LIG3: variants seen among roughly 807,000 people sequenced by gnomAD.
LIG3 encodes the protein ligase II, DNA, ATP-dependent.
In LIG3, 58 loss-of-function variants were observed where a neutral mutation model predicts 110.9. The ratio of observed to expected loss-of-function variants is 0.52; its 90% CI spans 0.42 to 0.65. The LOEUF (loss-of-function observed/expected upper bound fraction) is 0.65, where lower values mean the gene tolerates loss of function less well. Ranked by LOEUF, LIG3 falls within the 30% of genes least tolerant of loss-of-function variation. LIG3 has a pLI of 0.00. For missense variants in LIG3, 1,094 were observed against 1,273.8 expected (o/e 0.86, Z 2.15); for synonymous variants, 422 against 472.8 (o/e 0.89, Z 1.39).
In LIG3 at chr17:34,999,903, G is replaced by C. The variant is rs199959966; in HGVS notation, c.2331+47G>C. The C allele has an allele frequency of 4.8e-6, 7 of 1,472,656 alleles. No homozygotes were observed. In the Admixed American group the frequency reaches 1.2e-4, roughly 25 times the overall value. 91.2% of individuals were successfully genotyped at this position (1,472,656 alleles called of 1,614,324 possible). A position where few individuals can be genotyped will look rare whatever the true frequency, so the allele number is the denominator to read the frequency against. On this transcript the variant is annotated intron_variant, in intron 16 of 19. Coordinates refer to ENST00000378526, the MANE Select transcript of LIG3 (RefSeq NM_013975.4). ...GGCCTCCAGCTCATAGAATTAGCTT[G>C]CAGGTTCTCTAGTGCCATAGAGAAT...
At chr17:35,001,168 A>C in intron 16 of LIG3, 89 bp from the exon 17 acceptor site, 1 of 1,395,188 alleles carries the variant, frequency 7.2e-7, no homozygotes, top group Non-Finnish European at 1.0e-6. Context: ...AGCCTTCCTA[A>C]GTGCTGGGAT....
intron 7 of LIG3, 28 bp downstream of exon 7, chr17:34,992,063 A>G: frequency 6.3e-7 from 1 of 1,590,892 alleles, no homozygotes. Context: ...TGACAGCCTG[A>G]GCTGTCATTT....
intron 9 of LIG3, among the ~76,000 whole-genome samples, chr17:34,994,979 G>A (rs1354268708): frequency 6.6e-6 from 1 of 152,106 alleles, no homozygotes; most frequent in Admixed American, 6.5e-5. Context: ...TTCTAATCAG[G>A]GGTGGCATTT....
rs3135976 is a variant in LIG3, at chr17:34,988,724, A to T, written c.692-742A>T. On this transcript the variant is annotated intron_variant, in intron 3 of 19. Coordinates refer to ENST00000378526, the MANE Select transcript of LIG3 (RefSeq NM_013975.4). Reference sequence around the variant, plus strand: ...TAAGAAAAGAAAAGTTGAAGCAGCGAGGGGTAGGGATGTTGAGTGTACTAA... The same window carrying T: ...TAAGAAAAGAAAAGTTGAAGCAGCGTGGGGTAGGGATGTTGAGTGTACTAA... 5.2e-3 allele frequency among the ~76,000 whole-genome samples: 791 copies of T among 152,264 alleles called. 4 individuals are homozygous for T. Among genetic ancestry groups the T allele is most frequent in the Admixed American group, 0.011 (167 of 15,296 alleles).
At position 35,002,050 on chromosome 17, in the gene LIG3, T is replaced by A; in HGVS notation, c.2620T>A (p.Ser874Thr). Residue 874 changes from serine to threonine, a missense_variant, in exon 18 of 20, where the codon TCA becomes ACA. Transcript: ENST00000378526. Reference sequence around the variant, plus strand: ...GTCCCGCAAGGCCCCCAGCAAGCCCTCAGCCAGTACCAAGAAAGCAGAAGG... The same window carrying A: ...GTCCCGCAAGGCCCCCAGCAAGCCCACAGCCAGTACCAAGAAAGCAGAAGG... ...AVSRKAPSKP[S>T]ASTKKAEGKL... 6.2e-7 allele frequency: 1 copy of A among 1,604,276 alleles called. No individual in the cohort carries two copies. Among genetic ancestry groups the A allele is most frequent in the Non-Finnish European group, 8.5e-7 (1 of 1,176,536 alleles).
chr17:34,984,070 T>C (rs2090631956), intron 2 of LIG3, among the ~76,000 whole-genome samples: 1 of 152,218 alleles, frequency 6.6e-6, no homozygotes, highest in Non-Finnish European at 1.5e-5. Flanking sequence ...ATATGACCCT[T>C]ATGCGACTAT....
At chr17:34,997,714 C>G (rs2090793564) in intron 11 of LIG3, 24 bp from the exon 12 acceptor site, 2 of 1,583,788 alleles carry the variant, frequency 1.3e-6, no homozygotes, top group South Asian at 2.2e-5. Flanking sequence ...CCCGGCCTAA[C>G]CTCAGCTCTC....
In LIG3 at chr17:34,998,310, G is replaced by C; in HGVS notation, c.1989+14G>C. On this transcript the variant is annotated intron_variant, in intron 13 of 19. Transcript: ENST00000378526. The stretch of plus-strand genomic sequence containing the variant: ...AAGGATGTGAAGGTAAAGTGGCCTC[G>C]CTTGGCTTCTCCTGTCGACTCACTC... The C allele has an allele frequency of 6.2e-7, 1 of 1,607,070 alleles. No individual in the cohort carries two copies. The highest frequency in any genetic ancestry group is 1.7e-5 in the Admixed American group (1 of 59,226).
chr17:35,006,003 T>G lies in LIG3; in HGVS notation c.*1497T>G. 4.0e-6 allele frequency: 1 copy of G among 247,022 alleles called. No homozygotes were observed. Among genetic ancestry groups the G allele is most frequent in the Non-Finnish European group, 8.0e-6 (1 of 125,544 alleles). The allele number at this position is 247,022 out of a possible 1,614,324, so 15.3% of individuals were successfully genotyped here. A position where few individuals can be genotyped will look rare whatever the true frequency, so the allele number is the denominator to read the frequency against. On this transcript the variant is annotated 3_prime_UTR_variant, in exon 20 of 20. Transcript: ENST00000378526. ...AACAATGTTGAGTGGCATTTTCTTC[T>G]TAGTTTTTAATTTCTTAAAGAAAAT...
rs774271867 is a variant in LIG3 at position 35,002,143 on chromosome 17, G to GT, written c.2674+40dup. 3 of 1,495,070 alleles carry GT rather than the reference G, an allele frequency of 2.0e-6. No individual in the cohort carries two copies. The African/African-American group carries it at 4.2e-5, about 21-fold the overall frequency. 92.6% of individuals were successfully genotyped at this position (1,495,070 alleles called of 1,614,324 possible). On this transcript the variant is annotated intron_variant, in intron 18 of 19. Coordinates refer to ENST00000378526, the MANE Select transcript of LIG3 (RefSeq NM_013975.4). Reference sequence around the variant, plus strand: ...GGGGGCTGGTATGGTGAAGAGGGCGGTGTGAGGGGCAGAGATCCAAGGGCA... The same window carrying GT: ...GGGGGCTGGTATGGTGAAGAGGGCGGTTGTGAGGGGCAGAGATCCAAGGGCA...
chr17:34,992,778 A>G, intron 8 of LIG3, 86 bp downstream of exon 8: 1 of 1,300,532 alleles, frequency 7.7e-7, no homozygotes, highest in South Asian at 1.8e-5. Context: ...ATGAGTGTTG[A>G]GAGCACTTGC....
At chr17:34,995,550 TC>T (rs1478404859) in intron 9 of LIG3, among the ~76,000 whole-genome samples, 3 of 152,182 alleles carry the variant, frequency 2.0e-5, no homozygotes, top group Non-Finnish European at 4.4e-5. Flanking sequence ...CCTTTCCTGT[TC>T]CTGCTCTAAG....
In LIG3 at chr17:35,001,392, C is replaced by T. The variant is rs2090840436; in HGVS notation, c.2467C>T (p.Pro823Ser). The change falls in exon 17 of 20, where the codon CCC (proline) becomes TCC (serine). Residue 823 changes from proline (P) to serine (S), a missense_variant. Physicochemically the swap from Pro to Ser is moderately conservative, Grantham distance 74 (BLOSUM62 -1). Transcript: ENST00000378526. Reference sequence around the variant, plus strand: ...GGACTGGAAATCTGCCACTAACCTTCCCCAACTCAAGGTAGCAGCTCTTAG... The same window carrying T: ...GGACTGGAAATCTGCCACTAACCTTTCCCAACTCAAGGTAGCAGCTCTTAG... The part of the protein sequence containing the change: ...DKDWKSATNL[P>S]QLKELYQLSK... 2 of 1,614,166 alleles carry T rather than the reference C, an allele frequency of 1.2e-6. No homozygotes were observed. The highest frequency in any genetic ancestry group is 4.5e-5 in the East Asian group (2 of 44,884).
At chr17:34,984,384 T>A (rs1448849804) in intron 2 of LIG3, among the ~76,000 whole-genome samples, 1 of 152,232 alleles carries the variant, frequency 6.6e-6, no homozygotes, top group Admixed American at 6.5e-5. Flanking sequence ...CTTAACTAAT[T>A]TGATACTTAA....
chr17:35,006,046 G>C lies in LIG3; in HGVS notation c.*1540G>C, dbSNP rs2090893267. On this transcript the variant is annotated 3_prime_UTR_variant, in exon 20 of 20. Transcript: ENST00000378526. ...AAGAAAATATACTCCATATCTGCAG[G>C]GAAAAAAATAAAAATCCACACCTGA... 4.5e-6 allele frequency: 1 copy of C among 224,486 alleles called. No individual in the cohort carries two copies. Among genetic ancestry groups the C allele is most frequent in the Admixed American group, 5.3e-5 (1 of 18,886 alleles). The allele number at this position is 224,486 out of a possible 1,614,324, so 13.9% of individuals were successfully genotyped here. A position where few individuals can be genotyped will look rare whatever the true frequency, so the allele number is the denominator to read the frequency against.
rs781201568 is a variant in LIG3, at chr17:34,986,065, A to T, written c.625A>T (p.Thr209Ser). Residue 209 changes from threonine to serine, a missense_variant, in exon 3 of 20, where the codon ACT (threonine) becomes TCT (serine). By Grantham distance (58) the Thr-to-Ser change is moderately conservative (BLOSUM62 1). Transcript: ENST00000378526. ...QAKLTTTGQV[T>S]SPVKGASFVT... is the part of the protein sequence containing the mutation. ...TAAGTTGACAACCACTGGCCAGGTG[A>T]CTTCTCCAGTGAAAGGCGCCTCATT... The T allele has an allele frequency of 8.7e-6, 14 of 1,614,024 alleles. No homozygotes were observed. Among genetic ancestry groups the T allele is most frequent in the Non-Finnish European group, 1.2e-5 (14 of 1,180,006 alleles).
intron 1 of LIG3, 23 bp downstream of exon 1, chr17:34,980,645 A>G (rs2090572445): frequency 8.1e-7 from 1 of 1,235,614 alleles, no homozygotes; most frequent in African/African-American, 1.6e-5. Context: ...GCGGCGCGGC[A>G]CGGCGCGGCG....
Position 34,991,783 on chromosome 17 carries a change from C to T in LIG3, c.1154C>T (p.Ser385Phe), listed in dbSNP as rs1026919268. 34 of 1,614,116 alleles carry T rather than the reference C, an allele frequency of 2.1e-5. No homozygotes were observed. Among genetic ancestry groups the T allele is most frequent in the Non-Finnish European group, 2.9e-5 (34 of 1,180,026 alleles). Residue 385 changes from serine (S) to phenylalanine (F), a missense_variant, in exon 6 of 20, where the codon TCC becomes TTC. Ser to Phe is a radical substitution (Grantham distance 155, BLOSUM62 -2). Transcript: ENST00000378526. ...QEVDEFLLRL[S>F]KLTKEDEQQQ... ...GTGGATGAGTTCCTTCTGCGGCTGT[C>T]CAAGCTCACCAAGGAGGATGAGCAG...
rs776991164 is a variant in LIG3 at position 34,998,661 on chromosome 17, G to A, written c.2047G>A (p.Glu683Lys). The A allele has an allele frequency of 9.9e-6, 16 of 1,614,088 alleles. No homozygotes were observed. The African/African-American group carries it at 1.2e-4, about 12-fold the overall frequency. Residue 683 changes from glutamate to lysine, a missense_variant, in exon 14 of 20, where the codon GAG (glutamate) becomes AAG (lysine). By Grantham distance (56) the Glu-to-Lys change is moderately conservative. Coordinates refer to ENST00000378526, the MANE Select transcript of LIG3 (RefSeq NM_013975.4). ...WLKVKKDYLN[E>K]GAMADTADLV... is the part of the protein sequence containing the mutation. ...GAAAGTGAAGAAAGACTATTTGAACGAGGGGGCCATGGCCGACACAGCTGA... is the reference window on the plus strand; with the variant it reads ...GAAAGTGAAGAAAGACTATTTGAACAAGGGGGCCATGGCCGACACAGCTGA...
Sources: gnomAD v4.1 joint callset for allele counts (sites outside exome capture counted in the v4.1 genomes callset) on GRCh38, gnomAD v4.1.1 for gene constraint, MANE v1.5 for transcripts, NCBI Gene and HGNC (gene_info 2026-07-23, HGNC 2026-07-21) for gene names.